SPDYE10: variants seen among roughly 807,000 people sequenced by gnomAD.
The protein encoded by SPDYE10 is speedy/RINGO cell cycle regulator family member E10.
the SPDYE10 span, among the ~76,000 whole-genome samples, chr7:73,139,658 GTTTT>G: frequency 6.8e-6 from 1 of 147,168 alleles, no homozygotes; most frequent in Non-Finnish European, 1.5e-5. Context: ...TGTTTTTTGT[GTTTT>G]TTTTTTTCTT....
the SPDYE10 span, among the ~76,000 whole-genome samples, chr7:73,114,824 C>G: frequency 6.7e-6 from 1 of 149,946 alleles, no homozygotes; most frequent in African/African-American, 2.5e-5. Context: ...AGGTTGGAGC[C>G]ACCCAGCCCA....
the SPDYE10 span, among the ~76,000 whole-genome samples, chr7:73,135,416 A>G: frequency 6.7e-6 from 1 of 148,910 alleles, no homozygotes; most frequent in African/African-American, 2.5e-5. Flanking sequence ...GCATTCATTC[A>G]TTCATTCATT....
chr7:73,125,190 C>G, the SPDYE10 span, among the ~76,000 whole-genome samples: 7 of 144,954 alleles, frequency 4.8e-5, no homozygotes, highest in Non-Finnish European at 1.0e-4. Flanking sequence ...TCCCTCCTCT[C>G]TCTCCATCCA....
the SPDYE10 span, among the ~76,000 whole-genome samples, chr7:73,113,716 A>G: frequency 6.6e-6 from 1 of 152,092 alleles, no homozygotes; most frequent in Non-Finnish European, 1.5e-5. Context: ...CAACATGGTG[A>G]AACCGCATCT....
the SPDYE10 span, among the ~76,000 whole-genome samples, chr7:73,132,481 A>T: frequency 1.3e-5 from 2 of 152,010 alleles, no homozygotes; most frequent in African/African-American, 4.8e-5. Flanking sequence ...CAGGATTTTG[A>T]GGCTGCAGTG....
chr7:73,135,729 C>T, the SPDYE10 span, among the ~76,000 whole-genome samples: 1 of 61,662 alleles, frequency 1.6e-5, no homozygotes, highest in East Asian at 5.2e-4. Context: ...GCCACCATGC[C>T]GGGCTAATTT....
the SPDYE10 span, among the ~76,000 whole-genome samples, chr7:73,137,636 AAGAAAGG>A: frequency 7.3e-6 from 1 of 136,192 alleles, no homozygotes; most frequent in Non-Finnish European, 1.6e-5. Context: ...GAAAGAAAGA[AAGAAAGG>A]AGAAAGAAAG....
At chr7:73,135,491 G>A in the SPDYE10 span, among the ~76,000 whole-genome samples, 1 of 143,550 alleles carries the variant, frequency 7.0e-6, no homozygotes, top group Non-Finnish European at 1.5e-5. Flanking sequence ...GAGCATTGAG[G>A]CTTTCCTTTC....
the SPDYE10 span, among the ~76,000 whole-genome samples, chr7:73,137,593 T>TGAAA: frequency 0.12 from 8,047 of 69,662 alleles, 47 homozygotes; most frequent in South Asian, 0.16. Context: ...AAAGAAGAGA[T>TGAAA]GAAAGAAAGA....
chr7:73,147,900 C>T, the SPDYE10 span, among the ~76,000 whole-genome samples: 280 of 150,932 alleles, frequency 1.9e-3, 1 homozygote, highest in East Asian at 9.5e-3. Flanking sequence ...TCCGCTTCCC[C>T]GGTTCAAGCG....
At chr7:73,122,917 A>G in the SPDYE10 span, among the ~76,000 whole-genome samples, 1 of 152,124 alleles carries the variant, frequency 6.6e-6, no homozygotes, top group Non-Finnish European at 1.5e-5. Flanking sequence ...TGTTTTTAGA[A>G]CAAGAACATC....
the SPDYE10 span, among the ~76,000 whole-genome samples, chr7:73,123,395 C>T: frequency 2.0e-5 from 3 of 152,160 alleles, no homozygotes; most frequent in Non-Finnish European, 4.4e-5. Context: ...CCAGAGGTCC[C>T]CACCAGGTTT....
the SPDYE10 span, among the ~76,000 whole-genome samples, chr7:73,137,544 G>A: frequency 7.3e-6 from 1 of 137,392 alleles, no homozygotes; most frequent in East Asian, 2.0e-4. Flanking sequence ...AAGAGAGAGA[G>A]AAAGAAAGAG....
At chr7:73,126,562 A>T in the SPDYE10 span, among the ~76,000 whole-genome samples, 1 of 144,252 alleles carries the variant, frequency 6.9e-6, no homozygotes, top group Admixed American at 6.8e-5. Context: ...AAAGAGTCAT[A>T]CAAGTCCTCA....
the SPDYE10 span, among the ~76,000 whole-genome samples, chr7:73,138,211 G>T: frequency 6.6e-6 from 1 of 151,212 alleles, no homozygotes; most frequent in Admixed American, 6.6e-5. Context: ...AAAAGGAGTG[G>T]CCTCTGCCAT....
chr7:73,130,190 T>G, the SPDYE10 span, among the ~76,000 whole-genome samples: 4 of 150,320 alleles, frequency 2.7e-5, no homozygotes, highest in Non-Finnish European at 5.9e-5. Context: ...TTTGATTGTC[T>G]TTGCCATTTT....
the SPDYE10 span, among the ~76,000 whole-genome samples, chr7:73,132,546 CAAAAA>C: frequency 5.0e-5 from 3 of 59,456 alleles, no homozygotes; most frequent in Non-Finnish European, 6.6e-5. Context: ...GACCCTGTCT[CAAAAA>C]AAAAAAAAAA....
chr7:73,129,765 G>A, the SPDYE10 span, among the ~76,000 whole-genome samples: 2 of 150,856 alleles, frequency 1.3e-5, no homozygotes, highest in African/African-American at 4.9e-5. Flanking sequence ...AATAACTTTT[G>A]TTAAGTTGTA....
chr7:73,143,089 G>A, the SPDYE10 span, among the ~76,000 whole-genome samples: 1 of 150,678 alleles, frequency 6.6e-6, no homozygotes, highest in African/African-American at 2.5e-5. Context: ...CCTTCTGCAG[G>A]ACTTCACCTT....
Sources: allele counts gnomAD v4.1 joint callset (sites outside exome capture counted in the v4.1 genomes callset), GRCh38; gene constraint gnomAD v4.1.1; transcripts MANE v1.5; gene names NCBI Gene and HGNC (gene_info 2026-07-23, HGNC 2026-07-21).